POLN: variants seen among roughly 807,000 people sequenced by gnomAD.
POLN encodes DNA polymerase N.
In POLN, 108 loss-of-function variants were observed where a neutral mutation model predicts 113.5. The ratio of observed to expected loss-of-function variants is 0.95; its 90% CI spans 0.81 to 1.12. The LOEUF (loss-of-function observed/expected upper bound fraction) is 1.12. Ranked by LOEUF, POLN falls within the 50% of genes most tolerant of loss-of-function variation. The pLI is 0.00. For missense variants in POLN, 1,097 were observed against 1,077.1 expected, an observed-to-expected ratio of 1.02 and a Z score of -0.26; for synonymous variants, 386 against 391.5, an observed-to-expected ratio of 0.99 and a Z score of 0.17.
chr4:2,223,310 CAGG>C (rs1030042773), intron 3 of POLN, among the ~76,000 whole-genome samples: 5 of 152,182 alleles, frequency 3.3e-5, no homozygotes, highest in Admixed American at 6.5e-5. Flanking sequence ...GGCCACACAG[CAGG>C]AGGAGAGCAG....
At chr4:2,079,525 C>T (rs1730354278) in intron 23 of POLN, 35 of 985,470 alleles carry the variant, frequency 3.6e-5, no homozygotes, top group South Asian at 4.7e-5. Context: ...TGTGTGTGCA[C>T]GTGTGTGTTG....
intron 19 of POLN, among the ~76,000 whole-genome samples, chr4:2,096,679 CGAGAGAAAGA>C (rs1397148708): frequency 8.7e-4 from 73 of 84,376 alleles, no homozygotes; most frequent in African/African-American, 3.1e-3. Flanking sequence ...ATTCAGAAGC[CGAGAGAAAGA>C]GAGAGAGAGA....
chr4:2,193,712 T>A (rs1272730817), intron 6 of POLN, among the ~76,000 whole-genome samples: 4 of 152,310 alleles, frequency 2.6e-5, no homozygotes, highest in Admixed American at 2.0e-4. Flanking sequence ...TTCCCTTTCC[T>A]CCACCACAGG....
chr4:2,178,400 C>A (rs1733047517), intron 8 of POLN, among the ~76,000 whole-genome samples: 1 of 152,250 alleles, frequency 6.6e-6, no homozygotes, highest in African/African-American at 2.4e-5. Context: ...TAACTGTTCA[C>A]TGACAGCTAA....
intron 5 of POLN, among the ~76,000 whole-genome samples, chr4:2,202,005 C>T (rs187401409): frequency 2.4e-4 from 36 of 152,256 alleles, no homozygotes; most frequent in South Asian, 1.7e-3. Context: ...GCCAGCACTA[C>T]AACAACTGTT....
At chr4:2,176,479 T>G in intron 8 of POLN, 145 bp from the exon 9 acceptor site, 1 of 609,334 alleles carries the variant, frequency 1.6e-6, no homozygotes, top group Non-Finnish European at 2.7e-6. Context: ...CGTGGTAGTA[T>G]CACCAAACAC....
intron 2 of POLN, chr4:2,230,802 T>C (rs182850783): frequency 3.3e-5 from 5 of 152,294 alleles, no homozygotes; most frequent in African/African-American, 9.6e-5. Context: ...CATGTATAAA[T>C]TGGGCACTCA....
intron 16 of POLN, among the ~76,000 whole-genome samples, chr4:2,143,709 C>G (rs7659190): frequency 0.029 from 4,457 of 152,172 alleles, 239 homozygotes; most frequent in African/African-American, 0.1. Context: ...TAGTAGTACC[C>G]TGAAACAAAA....
intron 16 of POLN, among the ~76,000 whole-genome samples, chr4:2,153,215 T>A (rs1452015645): frequency 6.6e-6 from 1 of 152,176 alleles, no homozygotes; most frequent in Non-Finnish European, 1.5e-5. Context: ...AAATAAATAA[T>A]GACAAAGTAC....
At chr4:2,212,666 G>A (rs1293613462) in intron 4 of POLN, among the ~76,000 whole-genome samples, 5 of 151,924 alleles carry the variant, frequency 3.3e-5, no homozygotes, top group Admixed American at 2.6e-4. Context: ...GATTACCTGT[G>A]TGAGCCACTG....
intron 16 of POLN, among the ~76,000 whole-genome samples, chr4:2,139,270 T>A (rs1438797894): frequency 6.6e-6 from 1 of 152,170 alleles, no homozygotes; most frequent in Non-Finnish European, 1.5e-5. Flanking sequence ...GGCCGGAGCT[T>A]GGGGCCCGCA....
chr4:2,207,913 A>G, intron 5 of POLN, 74 bp downstream of exon 5: 1 of 1,490,188 alleles, frequency 6.7e-7, no homozygotes, highest in Non-Finnish European at 8.9e-7. Flanking sequence ...CTCTCCTATC[A>G]AAATCTGACA....
At chr4:2,221,813 G>A (rs1252635248) in intron 3 of POLN, among the ~76,000 whole-genome samples, 1 of 152,094 alleles carries the variant, frequency 6.6e-6, no homozygotes, top group Non-Finnish European at 1.5e-5. Flanking sequence ...GACCTCAAGG[G>A]ATCCACCCGC....
intron 2 of POLN, chr4:2,230,285 ACT>A (rs1405704213): frequency 1.3e-5 from 2 of 152,158 alleles, no homozygotes; most frequent in African/African-American, 4.8e-5. Flanking sequence ...ACACAGTTAG[ACT>A]CTGTCTCAAA....
In POLN at chr4:2,124,331, G is replaced by A. The variant is rs1424069169; in HGVS notation, c.1982+3782C>T. Among the ~76,000 whole-genome samples the A allele has an allele frequency of 3.3e-5, 5 of 152,130 alleles. No homozygotes were observed. The East Asian group carries it at 9.6e-4, about 29-fold the overall frequency. ...CTCTGTCGAGGCGGAGTGCAGTGGT[G>A]TAATCATAGCTCACTGCAGCCTCAA... On this transcript the variant is annotated intron_variant, in intron 19 of 25. Transcript: ENST00000511885.
At chr4:2,237,749 A>T (rs1340553044) in intron 2 of POLN, among the ~76,000 whole-genome samples, 2 of 152,234 alleles carry the variant, frequency 1.3e-5, no homozygotes, top group Non-Finnish European at 2.9e-5. Flanking sequence ...TATAAAAATA[A>T]ATGTAAAATT....
intron 7 of POLN, among the ~76,000 whole-genome samples, chr4:2,188,066 T>C (rs915498466): frequency 5.3e-5 from 8 of 152,144 alleles, no homozygotes; most frequent in African/African-American, 1.9e-4. Flanking sequence ...CAGTGAGCTA[T>C]GATCACACCA....
Position 2,159,143 on chromosome 4 carries a change from A to G in POLN, c.1611+12T>C. 6.3e-7 allele frequency: 1 copy of G among 1,591,458 alleles called. No homozygotes were observed. Among genetic ancestry groups the G allele is most frequent in the South Asian group, 1.1e-5 (1 of 90,400 alleles). Reference sequence around the variant, plus strand: ...CACCTTTTACCTTTTACGTACAAAAAAATTAACTTACCTGCCTGTATTCCA... The same window carrying G: ...CACCTTTTACCTTTTACGTACAAAAGAATTAACTTACCTGCCTGTATTCCA... On this transcript the variant is annotated intron_variant, in intron 14 of 25. Transcript: ENST00000511885.
At chr4:2,137,430 AGAGT>A (rs2108729199) in intron 16 of POLN, among the ~76,000 whole-genome samples, 1 of 152,356 alleles carries the variant, frequency 6.6e-6, no homozygotes, top group Admixed American at 6.5e-5. Context: ...CACAGAGCTC[AGAGT>A]GAGGGCCACA....
Sources: allele counts gnomAD v4.1 joint callset (sites outside exome capture counted in the v4.1 genomes callset), GRCh38; gene constraint gnomAD v4.1.1; transcripts MANE v1.5; gene names NCBI Gene and HGNC (gene_info 2026-07-23, HGNC 2026-07-21).